The following PRKG2 variants were observed in gnomAD, a reference collection of about 807,000 sequenced individuals.
The protein encoded by PRKG2 is protein kinase cGMP-dependent 2, also known as cGMP-dependent protein kinase 2.
PRKG2 carries 33 observed loss-of-function variants against 97.2 expected under a neutral mutation model. That is an observed-to-expected ratio of 0.34 (90% CI 0.26 to 0.45). PRKG2 has a LOEUF of 0.45. Among genes scored for constraint, PRKG2 ranks in the 20% least tolerant of loss-of-function variants. The pLI, the probability that PRKG2 is intolerant of heterozygous loss-of-function variation, is 1.00. For synonymous variants in PRKG2, 330 were observed against 321.8 expected (o/e 1.03, Z -0.27); for missense variants, 638 against 900.0 (o/e 0.71, Z 3.73).
chr4:81,108,328 G>A (rs1743558544), intron 15 of PRKG2, among the ~76,000 whole-genome samples: 1 of 152,068 alleles, frequency 6.6e-6, no homozygotes, highest in Non-Finnish European at 1.5e-5. Flanking sequence ...GAGACCTTGT[G>A]TTACTGAGCT....
At chr4:81,135,661 A>G (rs1203800865) in intron 13 of PRKG2, among the ~76,000 whole-genome samples, 1 of 152,176 alleles carries the variant, frequency 6.6e-6, no homozygotes, top group Non-Finnish European at 1.5e-5. Context: ...GACTTTTGCA[A>G]CTTATTGCTT....
At position 81,174,845 on chromosome 4, in the gene PRKG2, C is replaced by T. The variant is rs374461392; in HGVS notation, c.576G>A (p.Gly192=). ...ECMYGRNYQQ[G]SYIIKQGEPG... ...GTTCTCCTTGCTTAATAATGTAACT[C>T]CCTTGCTGATAGTTTCTCCCATACA... The change falls in exon 3 of 19, where the codon GGG becomes GGA. Residue 192 remains glycine (G), a synonymous_variant. Transcript: ENST00000264399. The T allele has an allele frequency of 8.7e-6, 14 of 1,613,208 alleles. No homozygotes were observed. The African/African-American group carries it at 1.5e-4, about 17-fold the overall frequency.
intron 2 of PRKG2, among the ~76,000 whole-genome samples, chr4:81,198,155 T>C (rs990746488): frequency 1.3e-5 from 2 of 152,232 alleles, no homozygotes; most frequent in Non-Finnish European, 2.9e-5. Context: ...TTAAATATTT[T>C]TCCTAACGCC....
chr4:81,199,098 C>G (rs1753136719), intron 2 of PRKG2, among the ~76,000 whole-genome samples: 1 of 152,088 alleles, frequency 6.6e-6, no homozygotes, highest in African/African-American at 2.4e-5. Context: ...AACTGTCCAA[C>G]TGGTAAAAGC....
At chr4:81,171,864 T>C (rs1477501740) in intron 3 of PRKG2, 60 bp from the exon 4 acceptor site, 1 of 1,142,450 alleles carries the variant, frequency 8.8e-7, no homozygotes, top group Admixed American at 2.4e-5. Context: ...GTAGATACTA[T>C]AAATTAGTAA....
At chr4:81,119,287 T>A (rs1408830036) in intron 14 of PRKG2, among the ~76,000 whole-genome samples, 1 of 152,228 alleles carries the variant, frequency 6.6e-6, no homozygotes, top group African/African-American at 2.4e-5. Flanking sequence ...TTAATTTTCA[T>A]GAAGGGTACA....
At chr4:81,189,092 A>AAAAAAAAAAAAAG (rs1752225194) in intron 2 of PRKG2, among the ~76,000 whole-genome samples, 1 of 116,876 alleles carries the variant, frequency 8.6e-6, no homozygotes, top group Admixed American at 7.9e-5. Context: ...AAAAAAAAAA[A>AAAAAAAAAAAAAG]GAAGCTAGCA....
At chr4:81,137,768 A>G (rs1746856591) in intron 12 of PRKG2, among the ~76,000 whole-genome samples, 1 of 152,316 alleles carries the variant, frequency 6.6e-6, no homozygotes, top group South Asian at 2.1e-4. Flanking sequence ...CCAACCTCCA[A>G]GGCCATCTTT....
chr4:81,162,042 T>C (rs916572484), intron 6 of PRKG2, among the ~76,000 whole-genome samples: 3 of 152,154 alleles, frequency 2.0e-5, no homozygotes, highest in Non-Finnish European at 4.4e-5. Flanking sequence ...CAATTAATTG[T>C]TGCCATGCTA....
chr4:81,179,728 T>C (rs1278224831), intron 2 of PRKG2, among the ~76,000 whole-genome samples: 1 of 152,136 alleles, frequency 6.6e-6, no homozygotes, highest in Non-Finnish European at 1.5e-5. Context: ...GTTAACACAA[T>C]TTAAGGTCCA....
chr4:81,156,021 C>G (rs1055229257), intron 6 of PRKG2, among the ~76,000 whole-genome samples: 8 of 152,106 alleles, frequency 5.3e-5, no homozygotes, highest in African/African-American at 1.9e-4. Context: ...ACTGTATCAA[C>G]TAACGAGCAA....
intron 8 of PRKG2, among the ~76,000 whole-genome samples, chr4:81,151,524 G>C (rs538308335): frequency 1.3e-5 from 2 of 152,014 alleles, no homozygotes; most frequent in African/African-American, 2.4e-5. Context: ...AAAACGAGCT[G>C]ATAAAAATTC....
At chr4:81,149,054 C>A (rs192339903) in intron 8 of PRKG2, 102 bp from the exon 9 acceptor site, 9 of 1,074,950 alleles carry the variant, frequency 8.4e-6, no homozygotes, top group African/African-American at 1.6e-5. Flanking sequence ...ACCACCATCA[C>A]TTACACCTCC....
intron 3 of PRKG2, 61 bp from the exon 4 acceptor site, chr4:81,171,865 A>C (rs1750510453): frequency 1.8e-6 from 2 of 1,127,012 alleles, no homozygotes; most frequent in South Asian, 1.5e-5. Flanking sequence ...TAGATACTAT[A>C]AATTAGTAAA....
At chr4:81,186,582 C>A (rs779471742) in intron 2 of PRKG2, among the ~76,000 whole-genome samples, 5 of 151,938 alleles carry the variant, frequency 3.3e-5, no homozygotes, top group Admixed American at 6.5e-5. Flanking sequence ...CAAGAGCAAA[C>A]AAACTCAAAA....
intron 14 of PRKG2, among the ~76,000 whole-genome samples, chr4:81,119,647 C>T (rs1744879853): frequency 6.6e-6 from 1 of 151,880 alleles, no homozygotes; most frequent in Admixed American, 6.6e-5. Flanking sequence ...CACAAAATAA[C>T]CTGCTGAGAT....
At chr4:81,095,924 G>A (rs1438614683) in intron 17 of PRKG2, among the ~76,000 whole-genome samples, 1 of 152,178 alleles carries the variant, frequency 6.6e-6, no homozygotes, top group Non-Finnish European at 1.5e-5. Context: ...CTAAACTGCA[G>A]TGTATTAAGT....
intron 1 of PRKG2, among the ~76,000 whole-genome samples, chr4:81,211,680 A>T (rs1457854690): frequency 6.6e-6 from 1 of 152,188 alleles, no homozygotes; most frequent in Non-Finnish European, 1.5e-5. Context: ...TAGTTTAAGG[A>T]TTAAAGCTCA....
intron 4 of PRKG2, among the ~76,000 whole-genome samples, chr4:81,170,195 G>T (rs1275218274): frequency 2.0e-5 from 3 of 152,052 alleles, no homozygotes; most frequent in African/African-American, 7.2e-5. Context: ...GTGTTTTTAT[G>T]TGTCTTTTTA....
Sources: gnomAD v4.1 joint callset for allele counts (sites outside exome capture counted in the v4.1 genomes callset) on GRCh38, gnomAD v4.1.1 for gene constraint, MANE v1.5 for transcripts, NCBI Gene and HGNC (gene_info 2026-07-23, HGNC 2026-07-21) for gene names.